LAMA2: variants seen among roughly 807,000 people sequenced by gnomAD.
LAMA2 encodes the protein laminin subunit alpha-2.
LAMA2 carries 269 observed loss-of-function variants against 364.8 expected under a neutral mutation model. That is an observed-to-expected ratio of 0.74 (90% CI 0.67 to 0.82). LAMA2 has a LOEUF of 0.82. Among genes scored for constraint, LAMA2 ranks in the 40% least tolerant of loss-of-function variants. LAMA2 has a pLI of 0.00. For missense variants in LAMA2, 3,807 were observed against 3,873.2 expected (o/e 0.98, Z 0.45); for synonymous variants, 1,379 against 1,370.6 (o/e 1.01, Z -0.14).
chr6:129,301,783 C>A (rs1773565445), intron 22 of LAMA2, among the ~76,000 whole-genome samples: 1 of 152,016 alleles, frequency 6.6e-6, no homozygotes, highest in African/African-American at 2.4e-5. Context: ...TCCCTTGTGC[C>A]CCATTGCAGT....
At chr6:129,497,113 A>G (rs1369273379) in intron 58 of LAMA2, among the ~76,000 whole-genome samples, 1 of 152,190 alleles carries the variant, frequency 6.6e-6, no homozygotes, top group Non-Finnish European at 1.5e-5. Context: ...TGAGTATTCA[A>G]TTTTTAAGCA....
chr6:129,456,261 G>C, intron 47 of LAMA2, 74 bp from the exon 48 acceptor site: 1 of 1,380,828 alleles, frequency 7.2e-7, no homozygotes, highest in Admixed American at 1.7e-5. Flanking sequence ...TTTAAATCTG[G>C]AATTACCAGA....
intron 56 of LAMA2, 90 bp downstream of exon 56, chr6:129,486,712 G>A (rs1018490921): frequency 7.5e-5 from 91 of 1,207,038 alleles, no homozygotes; most frequent in Middle Eastern, 2.0e-4. Context: ...CTGAACCTCT[G>A]TGTGTGTGGA....
chr6:129,452,712 C>T (rs942680698), intron 45 of LAMA2, among the ~76,000 whole-genome samples: 5 of 152,102 alleles, frequency 3.3e-5, no homozygotes, highest in Admixed American at 1.3e-4. Flanking sequence ...AAATGTATGA[C>T]GTTAGAAGTT....
intron 1 of LAMA2, among the ~76,000 whole-genome samples, chr6:128,890,439 C>A (rs1004166538): frequency 8.6e-5 from 13 of 151,582 alleles, no homozygotes; most frequent in Non-Finnish European, 1.8e-4. Flanking sequence ...AAAAAAAAAT[C>A]CATTTCTAAG....
chr6:129,259,860 G>T (rs1349604142), intron 14 of LAMA2, among the ~76,000 whole-genome samples: 1 of 151,976 alleles, frequency 6.6e-6, no homozygotes, highest in Non-Finnish European at 1.5e-5. Flanking sequence ...ATAAATCTTG[G>T]TCTATTTGAC....
At chr6:129,507,465 G>GTTTCTTCTGATCTGAATGT (rs1562634967) in intron 61 of LAMA2, 24 bp from the exon 62 acceptor site, 1 of 1,613,702 alleles carries the variant, frequency 6.2e-7, no homozygotes, top group Non-Finnish European at 8.5e-7. Flanking sequence ...CCTGACATTT[G>GTTTCTTCTGATCTGAATGT]TTTCTTCTGA....
intron 59 of LAMA2, 74 bp downstream of exon 59, chr6:129,502,845 A>C: frequency 1.0e-6 from 1 of 977,988 alleles, no homozygotes; most frequent in Non-Finnish European, 1.6e-6. Context: ...ATCAAGTTGA[A>C]TCTACTACAC....
intron 4 of LAMA2, among the ~76,000 whole-genome samples, chr6:129,131,487 A>T (rs1777473380): frequency 6.6e-6 from 1 of 152,174 alleles, no homozygotes; most frequent in South Asian, 2.1e-4. Flanking sequence ...CCCTGTGGTC[A>T]GTTATTAGTC....
chr6:128,983,209 A>T (rs1040460714), intron 1 of LAMA2, among the ~76,000 whole-genome samples: 2 of 152,046 alleles, frequency 1.3e-5, no homozygotes, highest in African/African-American at 4.8e-5. Flanking sequence ...CAATGGTTGA[A>T]CTAGTTTACA....
At chr6:129,006,399 G>A (rs962173287) in intron 1 of LAMA2, among the ~76,000 whole-genome samples, 2 of 152,022 alleles carry the variant, frequency 1.3e-5, no homozygotes, top group Non-Finnish European at 2.9e-5. Context: ...TCTTTTACCC[G>A]ATTCAAACAT....
intron 41 of LAMA2, among the ~76,000 whole-genome samples, chr6:129,430,989 T>G (rs1194552263): frequency 6.6e-6 from 1 of 152,194 alleles, no homozygotes; most frequent in African/African-American, 2.4e-5. Context: ...GATTTTAAAA[T>G]TATACATCTT....
chr6:128,885,587 G>T (rs1035513785), intron 1 of LAMA2, among the ~76,000 whole-genome samples: 1 of 152,208 alleles, frequency 6.6e-6, no homozygotes, highest in Non-Finnish European at 1.5e-5. Flanking sequence ...ACTGGAGAAG[G>T]GTTTTCCTGG....
intron 58 of LAMA2, among the ~76,000 whole-genome samples, chr6:129,495,906 C>T (rs368878975): frequency 3.4e-4 from 51 of 151,700 alleles, no homozygotes; most frequent in African/African-American, 1.1e-3. Context: ...TTAACTTTTC[C>T]GAAAACAGAG....
chr6:129,478,654 A>G, intron 53 of LAMA2, 39 bp from the exon 54 acceptor site: 2 of 1,609,232 alleles, frequency 1.2e-6, no homozygotes, highest in Non-Finnish European at 1.7e-6. Context: ...CCATCACCCT[A>G]ATGATATTGC....
chr6:129,356,200 G>A (rs1777144309), intron 32 of LAMA2, among the ~76,000 whole-genome samples: 2 of 152,054 alleles, frequency 1.3e-5, no homozygotes, highest in African/African-American at 2.4e-5. Flanking sequence ...CATGAAGAAT[G>A]TATACAAATA....
Position 129,078,027 on chromosome 6 carries a change from A to G in LAMA2, c.396+18131A>G, listed in dbSNP as rs145446852. Among the ~76,000 whole-genome samples, 969 of 152,290 alleles carry G rather than the reference A, an allele frequency of 6.4e-3. 2 individuals carry two copies. The highest frequency in any genetic ancestry group is 0.024 in the Middle Eastern group (7 of 294). On this transcript the variant is annotated intron_variant, in intron 3 of 64. Coordinates refer to ENST00000421865, the MANE Select transcript of LAMA2 (RefSeq NM_000426.4). ...GGCTTTGGGTAATTTTGACGTGTCA[A>G]TGTCATTTCATCAGTCATTACAAAT...
intron 21 of LAMA2, among the ~76,000 whole-genome samples, chr6:129,300,170 C>A (rs9385486): frequency 0.21 from 32,664 of 152,044 alleles, 4,550 homozygotes; most frequent in East Asian, 0.56. Context: ...AAATAAAAAT[C>A]GAAAGTATCT....
At chr6:129,246,874 T>C (rs1785788340) in intron 12 of LAMA2, among the ~76,000 whole-genome samples, 1 of 152,130 alleles carries the variant, frequency 6.6e-6, no homozygotes, top group South Asian at 2.1e-4. Flanking sequence ...AAGGGCAACG[T>C]ATACTCAGAA....
Sources: allele counts gnomAD v4.1 joint callset (sites outside exome capture counted in the v4.1 genomes callset), GRCh38; gene constraint gnomAD v4.1.1; transcripts MANE v1.5; gene names NCBI Gene and HGNC (gene_info 2026-07-23, HGNC 2026-07-21).